CCP110: variants seen among roughly 807,000 people sequenced by gnomAD.
CCP110 encodes centriolar coiled-coil protein of 110 kDa.
CCP110 carries 43 observed loss-of-function variants against 105.5 expected under a neutral mutation model. That is an observed-to-expected ratio of 0.41 (90% confidence interval 0.32 to 0.53). The LOEUF is 0.53. CCP110 is among the 20% of genes least tolerant of loss of function. The probability of loss-of-function intolerance (pLI) is 0.32; values close to 1 mark genes in which losing one functional copy is unlikely to be tolerated. For synonymous variants in CCP110, 353 were observed against 392.1 expected, an observed-to-expected ratio of 0.90 and a Z score of 1.18; for missense variants, 1,016 against 1,189.1, an observed-to-expected ratio of 0.85 and a Z score of 2.14.
rs530521818 is a variant in CCP110 at position 19,550,791 on chromosome 16, T to C, written c.2987-405T>C. 5.6e-4 allele frequency among the ~76,000 whole-genome samples: 86 copies of C among 152,374 alleles called. 2 individuals carry two copies. The South Asian group carries it at 0.015, about 26-fold the overall frequency. On this transcript the variant is annotated intron_variant, in intron 14 of 14. Coordinates refer to ENST00000381396, the Ensembl canonical transcript of CCP110. ...TACAAACCTAAATTGCAATCTCTGA[T>C]GTTATCGTAAGTGATCTTTGACTTA...
intron 6 of CCP110, 112 bp from the exon 7 acceptor site, chr16:19,542,509 C>A: frequency 1.3e-6 from 1 of 762,228 alleles, no homozygotes; most frequent in Non-Finnish European, 2.1e-6. Flanking sequence ...GCAGGTAGGT[C>A]ATTTTTGGAG....
At chr16:19,537,530 T>C (rs1970118746) in exon 4 of CCP110, 1 of 1,603,598 alleles carries the variant, frequency 6.2e-7, no homozygotes, top group East Asian at 2.2e-5. Context: ...AGAAAAAAGA[T>C]ACCCTAAGGG....
intron 5 of CCP110, among the ~76,000 whole-genome samples, chr16:19,541,645 GAGAGGAGAGAGAGA>G (rs1487870398): frequency 1.2e-5 from 1 of 82,754 alleles, no homozygotes; most frequent in Non-Finnish European, 2.3e-5. Flanking sequence ...GAAAGAGAGA[GAGAGGAGAGAGAGA>G]GAGAGAGAGA....
At chr16:19,524,587 T>C (rs1166193686) in intron 1 of CCP110, among the ~76,000 whole-genome samples, 1 of 152,088 alleles carries the variant, frequency 6.6e-6, no homozygotes, top group Non-Finnish European at 1.5e-5. Context: ...GGCATAAACT[T>C]GAGGATAATA....
intron 14 of CCP110, among the ~76,000 whole-genome samples, chr16:19,549,588 T>C (rs1597282843): frequency 6.6e-6 from 1 of 152,192 alleles, no homozygotes; most frequent in South Asian, 2.1e-4. Flanking sequence ...GTTAATGGAA[T>C]TGTCTTAAAG....
At chr16:19,538,624 C>T (rs1423062133) in intron 4 of CCP110, among the ~76,000 whole-genome samples, 4 of 152,160 alleles carry the variant, frequency 2.6e-5, no homozygotes, top group Admixed American at 1.3e-4. Flanking sequence ...ACAGTCTTGC[C>T]TGAAACATCA....
chr16:19,549,504 T>C (rs1489649163), intron 14 of CCP110, among the ~76,000 whole-genome samples: 1 of 152,232 alleles, frequency 6.6e-6, no homozygotes, highest in Non-Finnish European at 1.5e-5. Context: ...ATGTATGTAG[T>C]GAAGGTAATT....
At chr16:19,544,404 G>T (rs927882731) in intron 8 of CCP110, among the ~76,000 whole-genome samples, 1 of 152,140 alleles carries the variant, frequency 6.6e-6, no homozygotes, top group African/African-American at 2.4e-5. Context: ...CACATCTGTG[G>T]ATTCAACGAA....
At chr16:19,540,975 G>C (rs1970256994) in intron 5 of CCP110, among the ~76,000 whole-genome samples, 188 bp downstream of exon 5, 1 of 152,164 alleles carries the variant, frequency 6.6e-6, no homozygotes, top group Non-Finnish European at 1.5e-5. Flanking sequence ...TTATCTAAAA[G>C]TAATTGCATA....
At chr16:19,532,659 G>A (rs12927277) in intron 3 of CCP110, 115 bp downstream of exon 3, 10 of 801,018 alleles carry the variant, frequency 1.2e-5, no homozygotes, top group African/African-American at 7.0e-5. Context: ...TTACTGTTAC[G>A]TTTGAGAAGC....
Position 19,540,640 on chromosome 16 carries a change from A to G in CCP110, c.1919-17A>G, listed in dbSNP as rs1158714356. The G allele has an allele frequency of 1.2e-6, 2 of 1,603,018 alleles. No homozygotes were observed. Among genetic ancestry groups the G allele is most frequent in the Non-Finnish European group, 1.7e-6 (2 of 1,174,076 alleles). On this transcript the variant is annotated splice_polypyrimidine_tract_variant and intron_variant, in intron 4 of 14. Transcript: ENST00000381396. ...ACTTGTGAATTTTCTAAATTGAGGA[A>G]ACATGTTTCTTTTCAGAAAGCGAGG...
chr16:19,545,864 G>A (rs1215637979), exon 11 of CCP110: 11 of 1,606,928 alleles, frequency 6.8e-6, no homozygotes, highest in Non-Finnish European at 9.4e-6. Context: ...CAACACAGAA[G>A]TCTCTTGATA....
chr16:19,551,019 T>G (rs1318259222), intron 14 of CCP110, among the ~76,000 whole-genome samples, 177 bp from the exon 14 acceptor site: 1 of 152,190 alleles, frequency 6.6e-6, no homozygotes, highest in African/African-American at 2.4e-5. Context: ...ATGCCTCAGT[T>G]TTATTATCCT....
rs138700121 is a variant in CCP110 at position 19,536,199 on chromosome 16, C to G, written c.530C>G (p.Ser177Cys). 10 of 1,613,958 alleles carry G rather than the reference C, an allele frequency of 6.2e-6. No homozygotes were observed. The African/African-American group carries it at 1.2e-4, about 19-fold the overall frequency. Residue 177 changes from serine to cysteine, a missense_variant, in exon 4 of 15, where the codon TCC (serine) becomes TGC (cysteine). Coordinates refer to ENST00000381396, the Ensembl canonical transcript of CCP110. ...AATTCTCCGAAGCAATGTGATAGTT[C>G]CAATATTAGTCATGTAGAAAATGAA...
intron 4 of CCP110, 91 bp from the exon 5 acceptor site, chr16:19,540,566 C>T (rs1420826274): frequency 9.1e-7 from 1 of 1,094,400 alleles, no homozygotes; most frequent in East Asian, 2.5e-5. Context: ...GGAATACTCT[C>T]TTGTCAGAAG....
intron 4 of CCP110, among the ~76,000 whole-genome samples, chr16:19,539,119 AAAAAT>A (rs1050980418): frequency 1.8e-5 from 2 of 108,716 alleles, no homozygotes; most frequent in African/African-American, 9.8e-5. Flanking sequence ...CTCAAAAAAA[AAAAAT>A]AATAATAATA....
chr16:19,524,973 T>C (rs1228849890), intron 1 of CCP110: 1 of 152,190 alleles, frequency 6.6e-6, no homozygotes, highest in Non-Finnish European at 1.5e-5. Flanking sequence ...CAACATTCCT[T>C]TGAGACGGAT....
intron 3 of CCP110, among the ~76,000 whole-genome samples, chr16:19,534,312 T>G (rs988916994): frequency 6.6e-6 from 1 of 152,228 alleles, no homozygotes; most frequent in Non-Finnish European, 1.5e-5. Context: ...AATATACTAC[T>G]AATAAAATTG....
intron 1 of CCP110, chr16:19,526,429 A>G (rs959743101): frequency 2.6e-5 from 4 of 152,184 alleles, no homozygotes; most frequent in Non-Finnish European, 5.9e-5. Flanking sequence ...CTAGACCTAA[A>G]AAAAGGCTAT....
Sources: allele counts gnomAD v4.1 joint callset (sites outside exome capture counted in the v4.1 genomes callset), GRCh38; gene constraint gnomAD v4.1.1; transcripts MANE v1.5; gene names NCBI Gene and HGNC (gene_info 2026-07-23, HGNC 2026-07-21).